Variants in CEP112 observed in about 807,000 individuals in gnomAD.
The protein encoded by CEP112 is centrosomal protein 112.
A neutral mutation model predicts 153.0 loss-of-function variants in CEP112; 127 were observed. That is an observed-to-expected ratio of 0.83 (90% CI 0.72 to 0.96). The LOEUF (loss-of-function observed/expected upper bound fraction) is 0.96. CEP112 is among the 40% of genes least tolerant of loss of function. The pLI is 0.00. For missense variants in CEP112, 1,089 were observed against 1,101.2 expected (o/e 0.99, Z 0.16); for synonymous variants, 358 against 374.4 (o/e 0.96, Z 0.51).
intron 21 of CEP112, among the ~76,000 whole-genome samples, chr17:65,829,808 C>T (rs2146103906): frequency 6.6e-6 from 1 of 152,160 alleles, no homozygotes; most frequent in African/African-American, 2.4e-5. Context: ...CTCAACTTAG[C>T]ATGAAAGCTG....
At chr17:66,044,239 C>A (rs943135348) in intron 12 of CEP112, among the ~76,000 whole-genome samples, 1 of 151,572 alleles carries the variant, frequency 6.6e-6, no homozygotes, top group Non-Finnish European at 1.5e-5. Context: ...ATAAAATATA[C>A]CTATGCAATA....
At chr17:65,973,176 T>C (rs1298405151) in intron 17 of CEP112, among the ~76,000 whole-genome samples, 1 of 152,224 alleles carries the variant, frequency 6.6e-6, no homozygotes, top group East Asian at 1.9e-4. Flanking sequence ...AGAAAACCTT[T>C]GTGACCTTGG....
chr17:66,168,533 ATG>A lies in CEP112; in HGVS notation c.470+6509_470+6510del, dbSNP rs1273410076. ...TATGTGTGTGTATATATATGTATAT[ATG>A]TGTGTGTGTGTGTATATATATATAT... On this transcript the variant is annotated intron_variant, in intron 4 of 26. Transcript: ENST00000535342. Among the ~76,000 whole-genome samples, 986 of 150,786 alleles carry A rather than the reference ATG, an allele frequency of 6.5e-3. 4 individuals carry two copies. The highest frequency in any genetic ancestry group is 0.011 in the Middle Eastern group (3 of 284).
At position 66,031,230 on chromosome 17, in the gene CEP112, A is replaced by G. The variant is rs1462160151; in HGVS notation, c.1219-1207T>C. On this transcript the variant is annotated intron_variant, in intron 12 of 26. Coordinates refer to ENST00000535342, the MANE Select transcript of CEP112 (RefSeq NM_001199165.4). ...TCTAAACACCCTTTATGTCCTGCGTATTCATTAACTGGAAGAAACAAAGAA... is the reference window on the plus strand; with the variant it reads ...TCTAAACACCCTTTATGTCCTGCGTGTTCATTAACTGGAAGAAACAAAGAA... 5.9e-5 allele frequency among the ~76,000 whole-genome samples: 9 copies of G among 152,154 alleles called. No homozygotes were observed. The East Asian group carries it at 7.7e-4, about 13-fold the overall frequency.
intron 24 of CEP112, among the ~76,000 whole-genome samples, chr17:65,654,740 A>G (rs2045969077): frequency 6.6e-6 from 1 of 152,238 alleles, no homozygotes; most frequent in South Asian, 2.1e-4. Flanking sequence ...AAGGTCTGGT[A>G]AGTCTGCCTC....
intron 4 of CEP112, among the ~76,000 whole-genome samples, chr17:66,159,660 G>A (rs2071609708): frequency 6.6e-6 from 1 of 152,114 alleles, no homozygotes; most frequent in African/African-American, 2.4e-5. Context: ...ACCCCTTCAT[G>A]CTAAAAACTC....
chr17:65,925,643 T>C (rs1051236545), intron 19 of CEP112, among the ~76,000 whole-genome samples: 1 of 152,216 alleles, frequency 6.6e-6, no homozygotes, highest in African/African-American at 2.4e-5. Flanking sequence ...GCATGGTAAA[T>C]TGTTTTACGC....
intron 21 of CEP112, among the ~76,000 whole-genome samples, chr17:65,790,690 G>C (rs1278705971): frequency 6.6e-6 from 1 of 152,136 alleles, no homozygotes; most frequent in African/African-American, 2.4e-5. Flanking sequence ...CTTGCTTTTG[G>C]CTTTTCACAG....
chr17:65,669,747 C>T (rs1291888792), intron 24 of CEP112, among the ~76,000 whole-genome samples: 1 of 151,880 alleles, frequency 6.6e-6, no homozygotes, highest in Non-Finnish European at 1.5e-5. Flanking sequence ...ACTAAAAATA[C>T]AAAAAATTAT....
At chr17:65,660,838 A>G (rs2046355223) in intron 24 of CEP112, among the ~76,000 whole-genome samples, 1 of 152,120 alleles carries the variant, frequency 6.6e-6, no homozygotes, top group South Asian at 2.1e-4. Flanking sequence ...CCGCCTGGCC[A>G]TACCTTGATT....
intron 21 of CEP112, among the ~76,000 whole-genome samples, chr17:65,833,381 A>AGAAAAG (rs1167386479): frequency 2.6e-5 from 4 of 152,222 alleles, no homozygotes; most frequent in African/African-American, 9.6e-5. Context: ...GACAGAAATA[A>AGAAAAG]AGGACATCCG....
At chr17:65,982,568 T>C (rs2063267140) in intron 17 of CEP112, among the ~76,000 whole-genome samples, 2 of 152,232 alleles carry the variant, frequency 1.3e-5, no homozygotes, top group Non-Finnish European at 2.9e-5. Context: ...TCAATGGCTT[T>C]TCTCCTTTTG....
intron 6 of CEP112, among the ~76,000 whole-genome samples, 195 bp from the exon 7 acceptor site, chr17:66,096,827 T>C (rs966651621): frequency 2.4e-4 from 37 of 152,168 alleles, no homozygotes; most frequent in Admixed American, 2.4e-3. Context: ...ATAAACTCCC[T>C]TGCATGCCAA....
intron 4 of CEP112, among the ~76,000 whole-genome samples, chr17:66,142,944 T>G (rs991196067): frequency 1.3e-5 from 2 of 152,214 alleles, no homozygotes; most frequent in African/African-American, 4.8e-5. Context: ...GTATGGACAT[T>G]TTAACAATAT....
intron 20 of CEP112, among the ~76,000 whole-genome samples, chr17:65,874,820 A>G (rs1038200654): frequency 6.6e-6 from 1 of 152,062 alleles, no homozygotes; most frequent in Non-Finnish European, 1.5e-5. Context: ...TATTACAAGG[A>G]TTATCTAATG....
At chr17:66,170,602 C>T (rs230564) in intron 4 of CEP112, among the ~76,000 whole-genome samples, 102,666 of 151,486 alleles carry the variant, frequency 0.68, 36,391 homozygotes, top group Non-Finnish European at 0.78. Flanking sequence ...ATGTCTCTAC[C>T]AAACACAAAA....
chr17:66,119,794 T>C (rs372360816), intron 6 of CEP112, among the ~76,000 whole-genome samples: 1 of 152,154 alleles, frequency 6.6e-6, no homozygotes. Flanking sequence ...GATAAATGTG[T>C]TTTAATTTTT....
chr17:65,942,632 C>G (rs571991611), intron 18 of CEP112, among the ~76,000 whole-genome samples: 1 of 152,098 alleles, frequency 6.6e-6, no homozygotes, highest in African/African-American at 2.4e-5. Flanking sequence ...AAGTTCCTGC[C>G]GATAGCAAAT....
intron 23 of CEP112, among the ~76,000 whole-genome samples, chr17:65,724,379 G>A (rs951365492): frequency 6.6e-6 from 1 of 152,082 alleles, no homozygotes; most frequent in Non-Finnish European, 1.5e-5. Flanking sequence ...TTTACCATGC[G>A]ATATTATAGA....
Sources: gnomAD v4.1 joint callset for allele counts (sites outside exome capture counted in the v4.1 genomes callset) on GRCh38, gnomAD v4.1.1 for gene constraint, MANE v1.5 for transcripts, NCBI Gene and HGNC (gene_info 2026-07-23, HGNC 2026-07-21) for gene names.